GRIA4: variants seen among roughly 807,000 people sequenced by gnomAD.
GRIA4 encodes glutamate ionotropic receptor AMPA type subunit 4.
Under a neutral mutation model 104.0 loss-of-function variants are expected in GRIA4, and 34 were observed. The ratio of observed to expected loss-of-function variants is 0.33; its 90% CI spans 0.25 to 0.44. The LOEUF (loss-of-function observed/expected upper bound fraction) is 0.44. Among genes scored for constraint, GRIA4 ranks in the 20% least tolerant of loss-of-function variants. GRIA4 has a pLI of 1.00. For synonymous variants in GRIA4, 386 were observed against 381.9 expected (o/e 1.01, Z -0.13); for missense variants, 750 against 1,096.5 (o/e 0.68, Z 4.46).
At chr11:105,655,684 A>G (rs1380150180) in intron 3 of GRIA4, among the ~76,000 whole-genome samples, 2 of 152,122 alleles carry the variant, frequency 1.3e-5, no homozygotes, top group Non-Finnish European at 2.9e-5. Context: ...ATGGCTGCAT[A>G]GTATTCCATG....
chr11:105,861,599 C>T (rs1213144096), intron 4 of GRIA4, among the ~76,000 whole-genome samples: 2 of 151,882 alleles, frequency 1.3e-5, no homozygotes, highest in Non-Finnish European at 2.9e-5. Context: ...CATAGTTGAA[C>T]CAAAAATGTT....
At chr11:105,720,063 C>A (rs1190466164) in intron 3 of GRIA4, among the ~76,000 whole-genome samples, 1 of 151,214 alleles carries the variant, frequency 6.6e-6, no homozygotes, top group East Asian at 1.9e-4. Flanking sequence ...TTCTGCTTGT[C>A]TGCATTCAAG....
intron 6 of GRIA4, among the ~76,000 whole-genome samples, chr11:105,893,216 AC>A (rs1054916206): frequency 1.3e-5 from 2 of 152,086 alleles, no homozygotes; most frequent in Non-Finnish European, 2.9e-5. Flanking sequence ...AAGTCACTTA[AC>A]CACTGATTTC....
intron 3 of GRIA4, among the ~76,000 whole-genome samples, chr11:105,742,363 C>T (rs1357464775): frequency 4.6e-5 from 7 of 152,086 alleles, no homozygotes; most frequent in African/African-American, 7.2e-5. Flanking sequence ...TTCCCACCCA[C>T]GCACCTGCAC....
chr11:105,637,182 G>A (rs1034529849), intron 3 of GRIA4, among the ~76,000 whole-genome samples: 6 of 138,468 alleles, frequency 4.3e-5, no homozygotes, highest in East Asian at 4.4e-4. Context: ...AATGATATGA[G>A]GTATGATTAG....
chr11:105,953,891 T>C lies in GRIA4; in HGVS notation c.2295-18023T>C, dbSNP rs938774901. Among the ~76,000 whole-genome samples, 5 of 152,328 alleles carry C rather than the reference T, an allele frequency of 3.3e-5. No individual in the cohort carries two copies. In the East Asian group the frequency reaches 9.6e-4, roughly 29 times the overall value. On this transcript the variant is annotated intron_variant, in intron 14 of 16. Coordinates refer to ENST00000282499, the MANE Select transcript of GRIA4 (RefSeq NM_000829.4). Reference sequence around the variant, plus strand: ...ATAGTTGCTAGCCATAAATCTGTTTTTCTGAAAACAGAGATATAAACTCTT... The same window carrying C: ...ATAGTTGCTAGCCATAAATCTGTTTCTCTGAAAACAGAGATATAAACTCTT...
intron 4 of GRIA4, among the ~76,000 whole-genome samples, chr11:105,807,931 C>T (rs754989009): frequency 6.6e-6 from 1 of 151,770 alleles, no homozygotes; most frequent in East Asian, 1.9e-4. Context: ...AGCCTGTTAC[C>T]TTTTACTGTT....
chr11:105,672,590 T>A (rs1591539305), intron 3 of GRIA4, among the ~76,000 whole-genome samples: 1 of 152,178 alleles, frequency 6.6e-6, no homozygotes, highest in East Asian at 1.9e-4. Flanking sequence ...ACAGTTTAAC[T>A]TTTGAATGTA....
chr11:105,738,953 A>C (rs1000372232), intron 3 of GRIA4, among the ~76,000 whole-genome samples: 1 of 148,890 alleles, frequency 6.7e-6, no homozygotes, highest in East Asian at 2.0e-4. Context: ...AACAAAAAAA[A>C]CCCAAAAAAA....
At chr11:105,913,459 T>C (rs2136172983) in intron 10 of GRIA4, 1 of 491,006 alleles carries the variant, frequency 2.0e-6, no homozygotes, top group Admixed American at 6.4e-5. Flanking sequence ...TCTTTAAGTC[T>C]TGTTGACTAA....
At chr11:105,719,527 A>G (rs568833742) in intron 3 of GRIA4, among the ~76,000 whole-genome samples, 86 of 152,296 alleles carry the variant, frequency 5.6e-4, no homozygotes, top group African/African-American at 1.9e-3. Context: ...GAGCTTATGT[A>G]GTCCAGGATA....
intron 4 of GRIA4, among the ~76,000 whole-genome samples, chr11:105,755,246 T>C (rs1354430542): frequency 6.6e-6 from 1 of 151,948 alleles, no homozygotes; most frequent in African/African-American, 2.4e-5. Flanking sequence ...TTTAATCCTC[T>C]TGCAAAAAAA....
At chr11:105,975,936 A>G (rs1858958873) in intron 16 of GRIA4, among the ~76,000 whole-genome samples, 1 of 152,076 alleles carries the variant, frequency 6.6e-6, no homozygotes, top group Admixed American at 6.5e-5. Context: ...TTTGTGAAAA[A>G]GAATTAAGAA....
intron 3 of GRIA4, among the ~76,000 whole-genome samples, chr11:105,622,659 C>T (rs1013930827): frequency 6.6e-6 from 1 of 151,766 alleles, no homozygotes; most frequent in Non-Finnish European, 1.5e-5. Context: ...TTTCACCCTC[C>T]TTGTCCAAAT....
intron 4 of GRIA4, among the ~76,000 whole-genome samples, chr11:105,840,694 C>T (rs994228320): frequency 5.9e-5 from 9 of 152,102 alleles, no homozygotes; most frequent in Admixed American, 6.6e-5. Flanking sequence ...TTCAGAATTC[C>T]CTCTTTAACT....
intron 14 of GRIA4, among the ~76,000 whole-genome samples, chr11:105,971,205 T>C (rs1392531455): frequency 6.6e-6 from 1 of 152,200 alleles, no homozygotes; most frequent in East Asian, 1.9e-4. Flanking sequence ...AAATAGATGA[T>C]AGATTCAAGA....
intron 3 of GRIA4, chr11:105,706,567 C>T (rs1174217692): frequency 6.5e-6 from 1 of 153,634 alleles, no homozygotes; most frequent in African/African-American, 2.4e-5. Flanking sequence ...AATATTGAGG[C>T]TAAACTTGTT....
At chr11:105,744,460 G>A (rs759304021) in intron 3 of GRIA4, among the ~76,000 whole-genome samples, 9 of 152,098 alleles carry the variant, frequency 5.9e-5, no homozygotes, top group Non-Finnish European at 1.2e-4. Context: ...TTAGTTATCC[G>A]AGTTCAGATA....
At chr11:105,634,153 C>G (rs911218239) in intron 3 of GRIA4, among the ~76,000 whole-genome samples, 7 of 151,826 alleles carry the variant, frequency 4.6e-5, no homozygotes, top group Non-Finnish European at 4.4e-5. Context: ...TCAGGACAAG[C>G]CTGGGCAACA....
Sources: gnomAD v4.1 joint callset for allele counts (sites outside exome capture counted in the v4.1 genomes callset) on GRCh38, gnomAD v4.1.1 for gene constraint, MANE v1.5 for transcripts, NCBI Gene and HGNC (gene_info 2026-07-23, HGNC 2026-07-21) for gene names.